AKAP6: variants seen among roughly 807,000 people sequenced by gnomAD.
AKAP6 encodes the protein A-kinase anchor protein 6.
A neutral mutation model predicts 188.5 loss-of-function variants in AKAP6; 58 were observed. That is an observed-to-expected ratio of 0.31 (90% CI 0.25 to 0.38). The LOEUF is 0.38. Ranked by LOEUF, AKAP6 falls within the 10% of genes least tolerant of loss-of-function variation. The pLI is 1.00. For missense variants in AKAP6, 2,710 were observed against 2,740.0 expected (o/e 0.99, Z 0.24); for synonymous variants, 989 against 998.6 (o/e 0.99, Z 0.18).
intron 1 of AKAP6, among the ~76,000 whole-genome samples, chr14:32,398,003 T>G (rs1888935780): frequency 6.6e-6 from 1 of 152,218 alleles, no homozygotes; most frequent in South Asian, 2.1e-4. Context: ...TGCTTTTTCC[T>G]TCAAATATTT....
intron 1 of AKAP6, among the ~76,000 whole-genome samples, chr14:32,331,074 A>G (rs960818495): frequency 6.6e-6 from 1 of 152,018 alleles, no homozygotes; most frequent in African/African-American, 2.4e-5. Context: ...GGGAAGGGAA[A>G]GTATGTCTTG....
At chr14:32,540,162 C>T (rs865889289) in intron 3 of AKAP6, among the ~76,000 whole-genome samples, 3 of 105,242 alleles carry the variant, frequency 2.9e-5, no homozygotes, top group African/African-American at 9.8e-5. Flanking sequence ...CTCTCTCTCT[C>T]TCTCTCTATA....
At chr14:32,618,768 C>G (rs914011790) in intron 7 of AKAP6, among the ~76,000 whole-genome samples, 4 of 152,182 alleles carry the variant, frequency 2.6e-5, no homozygotes, top group Non-Finnish European at 5.9e-5. Flanking sequence ...TGAGAAATCT[C>G]CATGCTGTTT....
intron 1 of AKAP6, among the ~76,000 whole-genome samples, chr14:32,367,406 G>A (rs1677975280): frequency 6.6e-6 from 1 of 152,092 alleles, no homozygotes; most frequent in African/African-American, 2.4e-5. Flanking sequence ...ATTATTAATT[G>A]TTCAGGAGCT....
chr14:32,725,104 A>G (rs2030803414), intron 9 of AKAP6, among the ~76,000 whole-genome samples: 2 of 149,842 alleles, frequency 1.3e-5, no homozygotes, highest in Non-Finnish European at 1.5e-5. Flanking sequence ...ACATGCCTTC[A>G]CAGTAACACA....
intron 7 of AKAP6, among the ~76,000 whole-genome samples, chr14:32,664,148 T>G (rs1888820326): frequency 1.3e-5 from 2 of 151,130 alleles, no homozygotes; most frequent in East Asian, 3.9e-4. Flanking sequence ...ACCATGACAT[T>G]GAAGAGGAAA....
At chr14:32,401,146 T>G (rs541424982) in intron 1 of AKAP6, among the ~76,000 whole-genome samples, 25 of 152,184 alleles carry the variant, frequency 1.6e-4, no homozygotes, top group South Asian at 4.1e-4. Context: ...ATCTAGGGTA[T>G]AGGGGCAGAG....
At chr14:32,404,693 T>TAGATAG (rs1555325852) in intron 1 of AKAP6, among the ~76,000 whole-genome samples, 14 of 118,910 alleles carry the variant, frequency 1.2e-4, no homozygotes, top group East Asian at 2.6e-4. Context: ...AGTCAGGAGA[T>TAGATAG]ATATATATAT....
At chr14:32,370,358 A>G (rs1160462651) in intron 1 of AKAP6, among the ~76,000 whole-genome samples, 1 of 152,212 alleles carries the variant, frequency 6.6e-6, no homozygotes, top group African/African-American at 2.4e-5. Context: ...AGACAGTGCT[A>G]TCGAATTGAT....
At chr14:32,732,809 A>T (rs2031243869) in intron 10 of AKAP6, 1 of 631,302 alleles carries the variant, frequency 1.6e-6, no homozygotes, top group Admixed American at 3.0e-5. Context: ...CCCCTCTCAG[A>T]TTTTAATAAT....
At chr14:32,525,900 C>A (rs1307406051) in intron 2 of AKAP6, among the ~76,000 whole-genome samples, 1 of 152,106 alleles carries the variant, frequency 6.6e-6, no homozygotes, top group African/African-American at 2.4e-5. Flanking sequence ...AATAGCAAAT[C>A]ATTTCCACAT....
intron 1 of AKAP6, among the ~76,000 whole-genome samples, chr14:32,419,793 G>A (rs1323148255): frequency 6.6e-6 from 1 of 151,808 alleles, no homozygotes; most frequent in Non-Finnish European, 1.5e-5. Context: ...CAATGTTTTA[G>A]GAGTGGATAG....
At chr14:32,585,324 C>T (rs1405461580) in intron 5 of AKAP6, among the ~76,000 whole-genome samples, 1 of 152,186 alleles carries the variant, frequency 6.6e-6, no homozygotes, top group African/African-American at 2.4e-5. Flanking sequence ...AAACAATCAA[C>T]CACAAGAGCC....
chr14:32,687,386 C>T (rs188337231), intron 8 of AKAP6, among the ~76,000 whole-genome samples: 1 of 149,906 alleles, frequency 6.7e-6, no homozygotes, highest in East Asian at 2.0e-4. Flanking sequence ...TATTCATGCT[C>T]TGTCATACTA....
At chr14:32,742,042 A>C (rs1173555399) in intron 11 of AKAP6, among the ~76,000 whole-genome samples, 2 of 151,694 alleles carry the variant, frequency 1.3e-5, no homozygotes, top group East Asian at 3.9e-4. Flanking sequence ...TTATGGCTTC[A>C]ATCTCATTAC....
At chr14:32,602,026 G>A (rs1417915957) in intron 7 of AKAP6, among the ~76,000 whole-genome samples, 1 of 152,178 alleles carries the variant, frequency 6.6e-6, no homozygotes, top group Non-Finnish European at 1.5e-5. Flanking sequence ...AGGAGGAGAG[G>A]TGGCTTGGCA....
chr14:32,744,802 T>G (rs925133965), intron 11 of AKAP6, among the ~76,000 whole-genome samples: 1 of 152,120 alleles, frequency 6.6e-6, no homozygotes, highest in African/African-American at 2.4e-5. Flanking sequence ...ATTGTTTTTA[T>G]TCCTTTTTCT....
At chr14:32,434,171 C>T (rs1352165117) in intron 2 of AKAP6, among the ~76,000 whole-genome samples, 2 of 152,144 alleles carry the variant, frequency 1.3e-5, no homozygotes, top group Admixed American at 1.3e-4. Flanking sequence ...TCAAATGCAG[C>T]TGTGATTGTG....
At chr14:32,454,666 TCCTTCCCTCCTTCCC>T (rs1891065034) in intron 2 of AKAP6, among the ~76,000 whole-genome samples, 3 of 78,464 alleles carry the variant, frequency 3.8e-5, no homozygotes, top group African/African-American at 1.5e-4. Context: ...TCTCCTTCCC[TCCTTCCCTCCTTCCC>T]TCCTTCCCTC....
Sources: gnomAD v4.1 joint callset for allele counts (sites outside exome capture counted in the v4.1 genomes callset) on GRCh38, gnomAD v4.1.1 for gene constraint, MANE v1.5 for transcripts, NCBI Gene and HGNC (gene_info 2026-07-23, HGNC 2026-07-21) for gene names.